PALLD: variants seen among roughly 807,000 people sequenced by gnomAD.
PALLD encodes the protein palladin.
PALLD carries 61 observed loss-of-function variants against 123.5 expected under a neutral mutation model. The ratio of observed to expected loss-of-function variants is 0.49; its 90% CI spans 0.40 to 0.61. PALLD has a LOEUF of 0.61. Ranked by LOEUF, PALLD falls within the 20% of genes least tolerant of loss-of-function variation. The probability of loss-of-function intolerance (pLI) is 0.00; values close to 1 mark genes in which losing one functional copy is unlikely to be tolerated. For missense variants in PALLD, 1,273 were observed against 1,377.0 expected (o/e 0.92, Z 1.20); for synonymous variants, 465 against 496.4 (o/e 0.94, Z 0.84).
intron 2 of PALLD, among the ~76,000 whole-genome samples, chr4:168,656,241 C>T (rs1778550058): frequency 7.8e-6 from 1 of 128,106 alleles, no homozygotes; most frequent in African/African-American, 2.9e-5. Context: ...TTCTCCACCC[C>T]CCCACCCCCC....
Position 168,862,836 on chromosome 4 carries a change from G to A in PALLD, c.1965-28086G>A, listed in dbSNP as rs1749691584. On this transcript the variant is annotated intron_variant, in intron 10 of 21. Transcript: ENST00000505667. ...CTTAGGGAAAGCATATACATGAAGTGGAGGAAGTCTTCCCATATCCCTTAC... is the reference window on the plus strand; with the variant it reads ...CTTAGGGAAAGCATATACATGAAGTAGAGGAAGTCTTCCCATATCCCTTAC... Among the ~76,000 whole-genome samples the A allele has an allele frequency of 2.0e-5, 3 of 152,332 alleles. No homozygotes were observed. The South Asian group carries it at 6.2e-4, about 32-fold the overall frequency.
intron 10 of PALLD, among the ~76,000 whole-genome samples, chr4:168,782,272 C>T (rs1213362658): frequency 6.6e-6 from 1 of 152,224 alleles, no homozygotes; most frequent in Admixed American, 6.5e-5. Flanking sequence ...GTGCTTGCAA[C>T]TGTGCTGTTG....
At chr4:168,673,908 G>C (rs111502713) in intron 3 of PALLD, among the ~76,000 whole-genome samples, 14,772 of 151,830 alleles carry the variant, frequency 0.097, 852 homozygotes, top group Admixed American at 0.13. Context: ...GTGTGTGTGT[G>C]TGTGTGTGTC....
chr4:168,611,089 C>T (rs1348744124), intron 2 of PALLD, among the ~76,000 whole-genome samples: 1 of 152,210 alleles, frequency 6.6e-6, no homozygotes, highest in African/African-American at 2.4e-5. Context: ...TACCAGGAGG[C>T]TCTGACTGGA....
At chr4:168,745,968 C>G (rs547496177) in intron 10 of PALLD, among the ~76,000 whole-genome samples, 2 of 151,854 alleles carry the variant, frequency 1.3e-5, no homozygotes, top group Non-Finnish European at 2.9e-5. Context: ...TGAGTCTGAC[C>G]CCTCAAATTT....
In PALLD at chr4:168,869,894, T is replaced by C. The variant is rs1244524674; in HGVS notation, c.1965-21028T>C. ...AGTTTAGATCTTGGTAAGGTACCCA[T>C]ATTTAGAGAGATGGAGAACCAGTGA... On this transcript the variant is annotated intron_variant, in intron 10 of 21. Coordinates refer to ENST00000505667, the MANE Select transcript of PALLD (RefSeq NM_001166108.2). This position sits in a 1 kb window ranked among gnomAD's most constrained non-coding sequence, Gnocchi z 4.5. Among the ~76,000 whole-genome samples the C allele has an allele frequency of 4.6e-5, 7 of 152,146 alleles. No individual in the cohort carries two copies. Among genetic ancestry groups the C allele is most frequent in the African/African-American group, 9.7e-5 (4 of 41,408 alleles).
At position 168,903,920 on chromosome 4, in the gene PALLD, T is replaced by A. The variant is rs1217343891; in HGVS notation, c.2622+14T>A. The A allele has an allele frequency of 6.2e-7, 1 of 1,612,506 alleles. No homozygotes were observed. Among genetic ancestry groups the A allele is most frequent in the East Asian group, 2.2e-5 (1 of 44,854 alleles). On this transcript the variant is annotated intron_variant, in intron 15 of 21. Transcript: ENST00000505667. Reference sequence around the variant, plus strand: ...GCAAACCCTCAGGTAAAGAAGGGTATAGGTCTGGGCTCAGTTCTGTGTCTA... The same window carrying A: ...GCAAACCCTCAGGTAAAGAAGGGTAAAGGTCTGGGCTCAGTTCTGTGTCTA...
At chr4:168,833,687 G>C (rs1744677459) in intron 10 of PALLD, among the ~76,000 whole-genome samples, 1 of 151,844 alleles carries the variant, frequency 6.6e-6, no homozygotes, top group Non-Finnish European at 1.5e-5. Context: ...GAATTGTCCA[G>C]GGATTTGGGT....
intron 10 of PALLD, among the ~76,000 whole-genome samples, chr4:168,730,478 C>G (rs917474053): frequency 6.6e-6 from 1 of 151,934 alleles, no homozygotes; most frequent in Non-Finnish European, 1.5e-5. Context: ...TCTTAAAATT[C>G]CTTTTTTTTG....
intron 8 of PALLD, among the ~76,000 whole-genome samples, chr4:168,707,982 G>A (rs958145533): frequency 2.6e-5 from 4 of 152,180 alleles, no homozygotes; most frequent in African/African-American, 9.7e-5. Flanking sequence ...CTCTGTGCCA[G>A]GCAATGTCCT....
chr4:168,834,753 T>A (rs1452185425), intron 10 of PALLD, among the ~76,000 whole-genome samples: 2 of 152,068 alleles, frequency 1.3e-5, no homozygotes, highest in African/African-American at 4.8e-5. Context: ...AAAAAAAAAT[T>A]AAATGTCACC....
At chr4:168,625,666 C>T (rs1775196628) in intron 2 of PALLD, among the ~76,000 whole-genome samples, 7 of 151,772 alleles carry the variant, frequency 4.6e-5, no homozygotes, top group Admixed American at 4.0e-4. Context: ...TGGAAAGATG[C>T]TAAACATCAT....
chr4:168,856,613 T>A (rs1748647977), intron 10 of PALLD, among the ~76,000 whole-genome samples: 1 of 152,232 alleles, frequency 6.6e-6, no homozygotes, highest in Non-Finnish European at 1.5e-5. Context: ...TGAGCATTTT[T>A]TCATGTTTGT....
intron 10 of PALLD, among the ~76,000 whole-genome samples, chr4:168,820,165 C>T (rs1742514230): frequency 6.6e-6 from 1 of 152,230 alleles, no homozygotes; most frequent in Admixed American, 6.5e-5. Flanking sequence ...AATGTTAACT[C>T]CTTAGTGGCA....
At chr4:168,759,511 G>A (rs755091310) in intron 10 of PALLD, among the ~76,000 whole-genome samples, 1 of 151,746 alleles carries the variant, frequency 6.6e-6, no homozygotes, top group Non-Finnish European at 1.5e-5. Flanking sequence ...CTCAATCTCT[G>A]TAGCATTTAC....
At chr4:168,505,222 T>C (rs1394799264) in intron 1 of PALLD, among the ~76,000 whole-genome samples, 2 of 152,198 alleles carry the variant, frequency 1.3e-5, no homozygotes, top group African/African-American at 4.8e-5. Flanking sequence ...AGATATGCCA[T>C]AGAACTATTA....
intron 10 of PALLD, among the ~76,000 whole-genome samples, chr4:168,728,630 C>T (rs530028286): frequency 2.0e-5 from 3 of 152,204 alleles, no homozygotes; most frequent in Admixed American, 6.5e-5. Context: ...TTCTAGATAT[C>T]GAATCATATT....
chr4:168,542,762 AT>A (rs1765763252), intron 2 of PALLD, among the ~76,000 whole-genome samples: 2 of 114,968 alleles, frequency 1.7e-5, no homozygotes, highest in Non-Finnish European at 3.6e-5. Context: ...ATATATATAT[AT>A]GGAGAGAAAG....
intron 2 of PALLD, among the ~76,000 whole-genome samples, chr4:168,584,195 T>C (rs1309396879): frequency 2.0e-5 from 3 of 149,792 alleles, no homozygotes; most frequent in Admixed American, 6.7e-5. Flanking sequence ...CCAGCTTATA[T>C]AGTACTCTAA....
Sources: allele counts gnomAD v4.1 joint callset (sites outside exome capture counted in the v4.1 genomes callset), GRCh38; gene constraint gnomAD v4.1.1; non-coding constraint Gnocchi (gnomAD v3.1); transcripts MANE v1.5; gene names NCBI Gene and HGNC (gene_info 2026-07-23, HGNC 2026-07-21).